XIRP2: variants seen among roughly 807,000 people sequenced by gnomAD.
XIRP2 encodes the protein xin actin-binding repeat-containing protein 2.
XIRP2 carries 236 observed loss-of-function variants against 277.0 expected under a neutral mutation model. That is an observed-to-expected ratio of 0.85 (90% CI 0.77 to 0.95). XIRP2 has a LOEUF of 0.95. Ranked by LOEUF, XIRP2 falls within the 40% of genes least tolerant of loss-of-function variation. The pLI is 0.00. For synonymous variants in XIRP2, 1,490 were observed against 1,416.5 expected (o/e 1.05, Z -1.17); for missense variants, 4,640 against 4,157.5 (o/e 1.12, Z -3.19).
chr2:167,248,848 C>A lies in XIRP2; in HGVS notation c.7456C>A (p.Leu2486Ile). Residue 2486 changes from leucine to isoleucine, a missense_variant, in exon 9 of 11, where the codon CTT (leucine) becomes ATT (isoleucine). By Grantham distance (5) the Leu-to-Ile change is conservative. Transcript: ENST00000409195. ...AAAGCAGAACGTTATTAGTAAGAGTCTTGATGAAAGAAAACAATTATCTAT... is the reference window on the plus strand; with the variant it reads ...AAAGCAGAACGTTATTAGTAAGAGTATTGATGAAAGAAAACAATTATCTAT... ...ETKQNVISKS[L>I]DERKQLSIDS... 1 of 1,613,496 alleles carries A rather than the reference C, an allele frequency of 6.2e-7. No homozygotes were observed. Among genetic ancestry groups the A allele is most frequent in the Non-Finnish European group, 8.5e-7 (1 of 1,179,766 alleles).
At chr2:167,070,920 T>C (rs77222758) in intron 2 of XIRP2, among the ~76,000 whole-genome samples, 2 of 152,200 alleles carry the variant, frequency 1.3e-5, no homozygotes, top group Admixed American at 6.5e-5. Context: ...TGTTGACATC[T>C]TTATACTAAG....
intron 2 of XIRP2, among the ~76,000 whole-genome samples, chr2:166,929,827 A>G (rs1685281734): frequency 6.6e-6 from 1 of 152,136 alleles, no homozygotes; most frequent in South Asian, 2.1e-4. Context: ...TGACTTCATC[A>G]GTTATTTAAG....
At chr2:167,115,116 G>A (rs992489829) in intron 2 of XIRP2, among the ~76,000 whole-genome samples, 17 of 152,120 alleles carry the variant, frequency 1.1e-4, no homozygotes, top group Non-Finnish European at 2.2e-4. Flanking sequence ...GTTGTTTCCT[G>A]ACTTTTTAAA....
chr2:166,961,777 T>C (rs964577497), intron 2 of XIRP2, among the ~76,000 whole-genome samples: 3 of 151,830 alleles, frequency 2.0e-5, no homozygotes, highest in Non-Finnish European at 4.4e-5. Context: ...GGAATTCTAA[T>C]TTACCTGAAA....
At position 167,047,520 on chromosome 2, in the gene XIRP2, C is replaced by A. The variant is rs144128622; in HGVS notation, c.409-88389C>A. 5.5e-3 allele frequency among the ~76,000 whole-genome samples: 840 copies of A among 151,868 alleles called. 8 individuals carry two copies. Among genetic ancestry groups the A allele is most frequent in the African/African-American group, 0.019 (805 of 41,494 alleles). ...AACTAATTTATAAATTTAATGCAAC[C>A]TAAATAAAATTTTCAGATACAATTT... On this transcript the variant is annotated intron_variant, in intron 2 of 10. Transcript: ENST00000409195.
intron 3 of XIRP2, among the ~76,000 whole-genome samples, chr2:167,185,367 G>C (rs940239604): frequency 2.0e-5 from 3 of 151,836 alleles, no homozygotes; most frequent in African/African-American, 7.2e-5. Context: ...ATATACATTA[G>C]AAAATTTATT....
chr2:167,044,500 A>C (rs1311021870), intron 2 of XIRP2, among the ~76,000 whole-genome samples: 1 of 152,066 alleles, frequency 6.6e-6, no homozygotes, highest in African/African-American at 2.4e-5. Context: ...ATCACAGATG[A>C]TATGATTCTA....
At chr2:166,919,996 T>C (rs1007563335) in intron 2 of XIRP2, among the ~76,000 whole-genome samples, 25 of 152,274 alleles carry the variant, frequency 1.6e-4, no homozygotes, top group African/African-American at 6.0e-4. Flanking sequence ...TGCCCTTTAG[T>C]TTATAGCTGT....
In XIRP2 at chr2:167,247,043, A is replaced by T. The variant is rs758986572; in HGVS notation, c.5651A>T (p.Glu1884Val). The T allele has an allele frequency of 6.2e-7, 1 of 1,613,370 alleles. No homozygotes were observed. Among genetic ancestry groups the T allele is most frequent in the Non-Finnish European group, 8.5e-7 (1 of 1,179,692 alleles). Residue 1884 changes from glutamate to valine, a missense_variant, in exon 9 of 11, where the codon GAA becomes GTA. By Grantham distance (121) the Glu-to-Val change is moderately radical (BLOSUM62 -2). Coordinates refer to ENST00000409195, the MANE Select transcript of XIRP2 (RefSeq NM_152381.6). ...SLKESSHRWKESKQPDAIPGD... is the reference protein window; with the variant it reads ...SLKESSHRWKVSKQPDAIPGD... The stretch of plus-strand genomic sequence containing the variant: ...AAAGAATCAAGCCATCGATGGAAAG[A>T]ATCTAAACAGCCTGATGCCATCCCT...
At chr2:167,240,844 A>G (rs952892092) in intron 7 of XIRP2, 108 bp downstream of exon 7, 2 of 929,320 alleles carry the variant, frequency 2.2e-6, no homozygotes, top group African/African-American at 3.3e-5. Flanking sequence ...TAACTTTAGT[A>G]ACTATGACTC....
intron 1 of XIRP2, among the ~76,000 whole-genome samples, chr2:166,894,121 A>G (rs1267239688): frequency 2.0e-5 from 3 of 152,166 alleles, no homozygotes; most frequent in African/African-American, 4.8e-5. Flanking sequence ...TAACATTATC[A>G]TTATAATTAG....
chr2:167,136,091 T>A (rs1691543126), intron 3 of XIRP2, 29 bp downstream of exon 3: 3 of 1,571,576 alleles, frequency 1.9e-6, no homozygotes, highest in Middle Eastern at 1.7e-4. Flanking sequence ...TATGCTTTCT[T>A]GACATCATAC....
intron 2 of XIRP2, among the ~76,000 whole-genome samples, chr2:167,050,126 G>A (rs1294863388): frequency 6.6e-6 from 1 of 151,994 alleles, no homozygotes; most frequent in Admixed American, 6.6e-5. Context: ...TTGAAAGCCA[G>A]TTGCCAATTT....
chr2:167,052,562 C>A (rs1688941848), intron 2 of XIRP2, among the ~76,000 whole-genome samples: 1 of 151,944 alleles, frequency 6.6e-6, no homozygotes, highest in Admixed American at 6.6e-5. Context: ...TACTAAAATA[C>A]TCCAAATTTT....
intron 2 of XIRP2, among the ~76,000 whole-genome samples, chr2:166,904,414 G>A (rs537671046): frequency 6.6e-6 from 1 of 152,188 alleles, no homozygotes; most frequent in Admixed American, 6.5e-5. Context: ...TACTTTACAT[G>A]GATCTTATGA....
rs746487208 is a variant in XIRP2, at chr2:167,244,641, T to C, written c.3249T>C (p.Thr1083=). The C allele has an allele frequency of 5.6e-6, 9 of 1,613,246 alleles. No individual in the cohort carries two copies. The South Asian group carries it at 9.9e-5, about 18-fold the overall frequency. The change falls in exon 9 of 11, where the codon ACT becomes ACC. Residue 1083 remains threonine (T), a synonymous_variant. Coordinates refer to ENST00000409195, the MANE Select transcript of XIRP2 (RefSeq NM_152381.6). ...VEETESKTEQ[T]RDIVKGDVKT... The stretch of plus-strand genomic sequence containing the variant: ...AAACAGAAAGTAAAACTGAACAAAC[T>C]AGAGATATTGTTAAAGGGGATGTCA...
intron 2 of XIRP2, among the ~76,000 whole-genome samples, chr2:167,083,486 C>A (rs1017804266): frequency 2.6e-5 from 4 of 152,142 alleles, no homozygotes; most frequent in Non-Finnish European, 5.9e-5. Context: ...TGAAGAAAGT[C>A]ATTGGTAGCT....
chr2:166,903,407 C>A (rs1222553064), intron 1 of XIRP2, 58 bp from the exon 2 acceptor site: 3 of 1,507,634 alleles, frequency 2.0e-6, no homozygotes, highest in Non-Finnish European at 2.7e-6. Flanking sequence ...TATTTTGAGT[C>A]TGAAAATGAC....
At chr2:167,142,579 AAGAG>A (rs1467024821) in intron 3 of XIRP2, among the ~76,000 whole-genome samples, 14 of 151,998 alleles carry the variant, frequency 9.2e-5, no homozygotes, top group Non-Finnish European at 1.9e-4. Context: ...AATAAAAAAA[AAGAG>A]AGAAAGAAAG....
Sources: gnomAD v4.1 joint callset for allele counts (sites outside exome capture counted in the v4.1 genomes callset) on GRCh38, gnomAD v4.1.1 for gene constraint, MANE v1.5 for transcripts, NCBI Gene and HGNC (gene_info 2026-07-23, HGNC 2026-07-21) for gene names.